The following PPP2R2C variants were observed in gnomAD, a reference collection of about 807,000 sequenced individuals.
PPP2R2C encodes protein phosphatase 2, regulatory subunit B, gamma.
PPP2R2C carries 10 observed loss-of-function variants against 45.3 expected under a neutral mutation model. That is an observed-to-expected ratio of 0.22 (90% CI 0.14 to 0.37). PPP2R2C has a LOEUF of 0.37. Among genes scored for constraint, PPP2R2C ranks in the 10% least tolerant of loss-of-function variants. The probability of loss-of-function intolerance (pLI) is 1.00; values close to 1 mark genes in which losing one functional copy is unlikely to be tolerated. For missense variants in PPP2R2C, 308 were observed against 619.7 expected (o/e 0.50, Z 5.34); for synonymous variants, 257 against 245.4 (o/e 1.05, Z -0.44).
In PPP2R2C at chr4:6,378,428, G is replaced by A. The variant is rs769193125; in HGVS notation, c.313C>T (p.His105Tyr). The A allele has an allele frequency of 1.9e-6, 3 of 1,614,084 alleles. No homozygotes were observed. In the African/African-American group the frequency reaches 4.0e-5, roughly 22 times the overall value. The change falls in exon 3 of 9, where the codon CAC (histidine) becomes TAC (tyrosine). Residue 105 changes from histidine to tyrosine, a missense_variant. Physicochemically the swap from His to Tyr is moderately conservative, Grantham distance 83. Transcript: ENST00000382599. This position sits in a 1 kb window ranked among gnomAD's most constrained non-coding sequence, Gnocchi z 5.2. The part of the protein sequence containing the change: ...IKWLPQQNAA[H>Y]SLLSTNDKTI... ...TCACCGTTGGTGGACAGGAGTGAGT[G>A]GGCGGCGTTCTGCTGTGGGAGCCAC...
chr4:6,504,948 C>T (rs1413910246), intron 2 of PPP2R2C, among the ~76,000 whole-genome samples: 7 of 151,870 alleles, frequency 4.6e-5, no homozygotes, highest in African/African-American at 7.3e-5. Flanking sequence ...AGAAGTTCAG[C>T]GAATCTCAAG....
intron 8 of PPP2R2C, among the ~76,000 whole-genome samples, chr4:6,325,983 C>G (rs928617651): frequency 2.0e-5 from 3 of 152,200 alleles, no homozygotes; most frequent in Non-Finnish European, 2.9e-5. Context: ...GAGGTTGCAG[C>G]GAGCCGAGAT....
Position 6,347,955 on chromosome 4 carries a change from T to G in PPP2R2C, c.681A>C (p.Ala227=). Reference sequence around the variant, plus strand: ...TGCAGTGGTGCGGATGGAACTCAGATGCTGTGATCACCTCCGTAAGGTCCT... The same window carrying G: ...TGCAGTGGTGCGGATGGAACTCAGAGGCTGTGATCACCTCCGTAAGGTCCT... ...NMEDLTEVIT[A]SEFHPHHCNL... is the part of the protein sequence containing the mutation. The change falls in exon 6 of 9, where the codon GCA becomes GCC. Residue 227 remains alanine, a synonymous_variant. Transcript: ENST00000382599. 2.5e-6 allele frequency: 4 copies of G among 1,614,066 alleles called. No homozygotes were observed. The highest frequency in any genetic ancestry group is 1.7e-5 in the Admixed American group (1 of 60,018).
intron 1 of PPP2R2C, chr4:6,383,617 T>C: frequency 2.0e-6 from 1 of 493,538 alleles, no homozygotes; most frequent in Non-Finnish European, 3.2e-6. Context: ...TGGATCACCT[T>C]GCTGAAACTG....
At chr4:6,535,040 C>T (rs961468054) in intron 2 of PPP2R2C, among the ~76,000 whole-genome samples, 6 of 150,696 alleles carry the variant, frequency 4.0e-5, no homozygotes, top group African/African-American at 1.5e-4. Flanking sequence ...CCTCACCCAT[C>T]GGCCTGGGAG....
intron 1 of PPP2R2C, among the ~76,000 whole-genome samples, chr4:6,467,318 G>A (rs553375101): frequency 6.6e-6 from 1 of 152,232 alleles, no homozygotes; most frequent in East Asian, 1.9e-4. Flanking sequence ...TCTGATGACA[G>A]TTCTAAGGGC....
At chr4:6,326,532 G>A (rs371678900) in intron 8 of PPP2R2C, among the ~76,000 whole-genome samples, 167 of 152,280 alleles carry the variant, frequency 1.1e-3, no homozygotes, top group African/African-American at 3.8e-3. Flanking sequence ...AGGTAACCTG[G>A]GGAAGGGCAG....
chr4:6,546,764 G>A lies in PPP2R2C; in HGVS notation c.-58-11387C>T, dbSNP rs550728851. ...CCATCATGTGCTCCACCCGCTGTCAGAATTTCAGCACCAAGAACAGCGACA... is the reference window on the plus strand; with the variant it reads ...CCATCATGTGCTCCACCCGCTGTCAAAATTTCAGCACCAAGAACAGCGACA... On this transcript the variant is annotated intron_variant, in intron 1 of 9. Coordinates refer to the PPP2R2C transcript ENST00000506140. 1.3e-4 allele frequency among the ~76,000 whole-genome samples: 20 copies of A among 152,362 alleles called. No individual in the cohort carries two copies. The South Asian group carries it at 4.1e-3, about 32-fold the overall frequency.
Position 6,457,191 on chromosome 4 carries a change from G to C in PPP2R2C, c.70+14969C>G, listed in dbSNP as rs113246211. 2.0e-3 allele frequency among the ~76,000 whole-genome samples: 231 copies of C among 117,630 alleles called. 2 individuals are homozygous for C. The highest frequency in any genetic ancestry group is 6.7e-3 in the African/African-American group (218 of 32,464). 77.2% of individuals were successfully genotyped at this position (117,630 alleles called of 152,430 possible). ...CCACTGTACCCCGACCTGGGCGACAGAGCGAGACTCCATCTCAAAAAAAAA... is the reference window on the plus strand; with the variant it reads ...CCACTGTACCCCGACCTGGGCGACACAGCGAGACTCCATCTCAAAAAAAAA... On this transcript the variant is annotated intron_variant, in intron 1 of 8. Transcript: ENST00000382599.
chr4:6,403,510 A>G (rs574920706), intron 1 of PPP2R2C, among the ~76,000 whole-genome samples: 1 of 152,262 alleles, frequency 6.6e-6, no homozygotes, highest in East Asian at 1.9e-4. Context: ...AGGCTTCCCA[A>G]AGCCTTCCCT....
chr4:6,372,163 G>A (rs556765335), intron 5 of PPP2R2C, among the ~76,000 whole-genome samples: 2 of 152,308 alleles, frequency 1.3e-5, no homozygotes, highest in East Asian at 3.9e-4. Context: ...GGAGGGCCCC[G>A]AGGCGCCTTC....
chr4:6,383,547 G>A, intron 1 of PPP2R2C: 1 of 741,792 alleles, frequency 1.3e-6, no homozygotes, highest in Non-Finnish European at 2.0e-6. Flanking sequence ...CTGGGTACCA[G>A]CATGGCTCCT....
At chr4:6,350,991 G>A in intron 5 of PPP2R2C, 2 of 985,304 alleles carry the variant, frequency 2.0e-6, no homozygotes, top group Non-Finnish European at 2.4e-6. Flanking sequence ...TCCCACCTGG[G>A]GATGTTTCAG....
chr4:6,486,963 C>T (rs1722548399), intron 2 of PPP2R2C, among the ~76,000 whole-genome samples: 1 of 151,982 alleles, frequency 6.6e-6, no homozygotes, highest in South Asian at 2.1e-4. Context: ...AAGCATTGTT[C>T]AATTATTCCA....
chr4:6,512,838 A>G (rs982195841), intron 2 of PPP2R2C, among the ~76,000 whole-genome samples: 23 of 151,962 alleles, frequency 1.5e-4, no homozygotes, highest in African/African-American at 5.6e-4. Context: ...TAAGGGCCCA[A>G]TAGCTGTAGG....
chr4:6,364,652 G>C lies in PPP2R2C; in HGVS notation c.625+7871C>G, dbSNP rs1714118134. ...TCAAGCAGCCGTATGGTGTCAGCAGGGGCTTTTCCTCGCTTTACAGGTGAG... is the reference window on the plus strand; with the variant it reads ...TCAAGCAGCCGTATGGTGTCAGCAGCGGCTTTTCCTCGCTTTACAGGTGAG... On this transcript the variant is annotated intron_variant, in intron 5 of 8. Transcript: ENST00000382599. This position sits in a 1 kb window ranked among gnomAD's most constrained non-coding sequence, Gnocchi z 5.3. 6.6e-6 allele frequency among the ~76,000 whole-genome samples: 1 copy of C among 152,122 alleles called. No individual in the cohort carries two copies. The highest frequency in any genetic ancestry group is 2.4e-5 in the African/African-American group (1 of 41,424).
At chr4:6,490,575 G>C (rs1722670041) in intron 2 of PPP2R2C, among the ~76,000 whole-genome samples, 1 of 152,186 alleles carries the variant, frequency 6.6e-6, no homozygotes, top group Non-Finnish European at 1.5e-5. Flanking sequence ...ATGGACAGGG[G>C]AACCAGATGG....
At chr4:6,469,084 A>C (rs1721727380) in intron 1 of PPP2R2C, among the ~76,000 whole-genome samples, 1 of 146,678 alleles carries the variant, frequency 6.8e-6, no homozygotes, top group Admixed American at 6.7e-5. Flanking sequence ...CACCAAAAAA[A>C]AAAAAAAAAA....
At chr4:6,385,550 T>C (rs1315636400) in intron 1 of PPP2R2C, among the ~76,000 whole-genome samples, 2 of 152,102 alleles carry the variant, frequency 1.3e-5, no homozygotes, top group Non-Finnish European at 2.9e-5. Context: ...TGGTCTCTCC[T>C]ACAACTGCAG....
Sources: allele counts gnomAD v4.1 joint callset (sites outside exome capture counted in the v4.1 genomes callset), GRCh38; gene constraint gnomAD v4.1.1; non-coding constraint Gnocchi (gnomAD v3.1); transcripts MANE v1.5; gene names NCBI Gene and HGNC (gene_info 2026-07-23, HGNC 2026-07-21).